The following NXPE2 variants were observed in gnomAD, a reference collection of about 807,000 sequenced individuals.
NXPE2 encodes the protein neurexophilin and PC-esterase domain family member 2.
Under a neutral mutation model 34.4 loss-of-function variants are expected in NXPE2, and 34 were observed. The observed-to-expected ratio is 0.99, with a 90% CI of 0.75 to 1.31. The LOEUF is 1.31. NXPE2 is among the 40% of genes most tolerant of loss of function. NXPE2 has a pLI of 0.00. For synonymous variants in NXPE2, 235 were observed against 231.3 expected, an observed-to-expected ratio of 1.02 and a Z score of -0.15; for missense variants, 649 against 672.5, an observed-to-expected ratio of 0.97 and a Z score of 0.39.
chr11:114,789,171 A>G, the NXPE2 span, among the ~76,000 whole-genome samples: 1 of 152,356 alleles, frequency 6.6e-6, no homozygotes, highest in African/African-American at 2.4e-5. Flanking sequence ...CTAAGAGAGT[A>G]GATTTTAAGT....
At chr11:114,509,059 A>G in the NXPE2 span, among the ~76,000 whole-genome samples, 3 of 152,242 alleles carry the variant, frequency 2.0e-5, no homozygotes, top group Non-Finnish European at 2.9e-5. Flanking sequence ...ACAAATTACA[A>G]GAAAAAATCA....
the NXPE2 span, among the ~76,000 whole-genome samples, chr11:114,511,214 C>T: frequency 1.3e-5 from 2 of 152,176 alleles, no homozygotes; most frequent in African/African-American, 2.4e-5. Flanking sequence ...TTGTGTTACA[C>T]ATTCTGGCCA....
chr11:114,484,349 G>T, the NXPE2 span, among the ~76,000 whole-genome samples: 1 of 151,652 alleles, frequency 6.6e-6, no homozygotes, highest in Non-Finnish European at 1.5e-5. Flanking sequence ...CCCTAAGTTT[G>T]GGATGTGGGG....
chr11:114,792,057 CA>C, the NXPE2 span, among the ~76,000 whole-genome samples: 3 of 150,986 alleles, frequency 2.0e-5, no homozygotes, highest in Admixed American at 6.6e-5. Flanking sequence ...GACTCCGTCT[CA>C]AAAAAAAGAA....
chr11:114,667,313 T>A, the NXPE2 span, among the ~76,000 whole-genome samples: 1 of 152,302 alleles, frequency 6.6e-6, no homozygotes, highest in African/African-American at 2.4e-5. Context: ...TTAATAAACA[T>A]AATTATATTT....
the NXPE2 span, among the ~76,000 whole-genome samples, chr11:114,726,167 G>A: frequency 6.6e-6 from 1 of 151,422 alleles, no homozygotes; most frequent in Non-Finnish European, 1.5e-5. Flanking sequence ...TTTTCCTTAA[G>A]CACTTCAAAG....
the NXPE2 span, among the ~76,000 whole-genome samples, chr11:114,479,852 C>T: frequency 3.9e-5 from 6 of 152,134 alleles, no homozygotes; most frequent in East Asian, 1.2e-3. Flanking sequence ...CACAGTTCTG[C>T]AGGCTGTACA....
chr11:114,576,315 C>G, the NXPE2 span, among the ~76,000 whole-genome samples: 1 of 151,426 alleles, frequency 6.6e-6, no homozygotes, highest in Non-Finnish European at 1.5e-5. Context: ...ACCAAGGACC[C>G]AAAAGCAAAT....
the NXPE2 span, among the ~76,000 whole-genome samples, chr11:114,792,008 A>C: frequency 6.6e-6 from 1 of 152,176 alleles, no homozygotes; most frequent in African/African-American, 2.4e-5. Context: ...CAGTGAGCCG[A>C]GATCGCACCA....
chr11:114,648,241 C>T, the NXPE2 span, among the ~76,000 whole-genome samples: 3 of 151,916 alleles, frequency 2.0e-5, no homozygotes, highest in Admixed American at 2.0e-4. Context: ...GGCTACTCAC[C>T]AGTCTGAATT....
chr11:114,583,949 G>A, the NXPE2 span: 1 of 390,888 alleles, frequency 2.6e-6, no homozygotes, highest in Non-Finnish European at 5.0e-6. Context: ...AGATGGGATT[G>A]ATGATGAGTC....
the NXPE2 span, among the ~76,000 whole-genome samples, chr11:114,555,262 T>C: frequency 2.6e-5 from 4 of 152,132 alleles, no homozygotes; most frequent in Non-Finnish European, 5.9e-5. Context: ...CTTGCTCTGT[T>C]GCCCAGGCTG....
the NXPE2 span, among the ~76,000 whole-genome samples, chr11:114,807,056 A>G: frequency 6.6e-6 from 1 of 151,998 alleles, no homozygotes. Context: ...TAAAGAAAAG[A>G]ACTTTCAACC....
chr11:114,773,279 A>ACCCCCCCCCCCCCCCCTCCC, the NXPE2 span, among the ~76,000 whole-genome samples: 1 of 69,362 alleles, frequency 1.4e-5, no homozygotes, highest in African/African-American at 5.5e-5. Flanking sequence ...ACCCACTCCC[A>ACCCCCCCCCCCCCCCCTCCC]CCCCCCCCCC....
At chr11:114,636,378 G>C in the NXPE2 span, among the ~76,000 whole-genome samples, 1 of 151,174 alleles carries the variant, frequency 6.6e-6, no homozygotes, top group African/African-American at 2.4e-5. Flanking sequence ...GTCTGCTAGC[G>C]GTCTATCAAT....
intron 2 of NXPE2, among the ~76,000 whole-genome samples, chr11:114,680,567 T>G (rs539423404): frequency 1.3e-5 from 2 of 152,200 alleles, no homozygotes; most frequent in East Asian, 1.9e-4. Flanking sequence ...CTTCTATGCT[T>G]GTACCTTTTA....
the NXPE2 span, among the ~76,000 whole-genome samples, chr11:114,773,282 C>CCCT: frequency 3.8e-5 from 3 of 78,932 alleles, no homozygotes; most frequent in African/African-American, 1.2e-4. Flanking sequence ...CACTCCCACC[C>CCCT]CCCCCCCACC....
the NXPE2 span, chr11:114,582,150 G>A: frequency 2.3e-6 from 2 of 888,290 alleles, no homozygotes; most frequent in South Asian, 1.9e-5. Context: ...GTCTCTAAAT[G>A]AATTCACAGA....
the NXPE2 span, among the ~76,000 whole-genome samples, chr11:114,511,328 G>A: frequency 4.7e-4 from 72 of 152,120 alleles, no homozygotes; most frequent in Non-Finnish European, 8.1e-4. Flanking sequence ...TTTGCCCTTC[G>A]TCTTCTTGCC....
Sources: allele counts gnomAD v4.1 joint callset (sites outside exome capture counted in the v4.1 genomes callset), GRCh38; gene constraint gnomAD v4.1.1; transcripts MANE v1.5; gene names NCBI Gene and HGNC (gene_info 2026-07-23, HGNC 2026-07-21).